The following CCDC178 variants were observed in gnomAD, a reference collection of about 807,000 sequenced individuals.
CCDC178 encodes the protein coiled-coil domain-containing protein 178.
In CCDC178, 126 loss-of-function variants were observed where a neutral mutation model predicts 117.4. That is an observed-to-expected ratio of 1.07 (90% CI 0.93 to 1.24). CCDC178 has a LOEUF of 1.24. Among genes scored for constraint, CCDC178 ranks in the 50% most tolerant of loss-of-function variants. The pLI is 0.00. For synonymous variants in CCDC178, 283 were observed against 313.4 expected (o/e 0.90, Z 1.02); for missense variants, 1,030 against 986.9 (o/e 1.04, Z -0.59).
intron 22 of CCDC178, 149 bp downstream of exon 22, chr18:32,974,398 T>A (rs2054988956): frequency 5.9e-6 from 4 of 683,318 alleles, no homozygotes; most frequent in Middle Eastern, 8.4e-4. Context: ...CTTACTGAAT[T>A]CATTCTTCAT....
intron 19 of CCDC178, among the ~76,000 whole-genome samples, chr18:33,213,634 T>G (rs1489612433): frequency 6.6e-6 from 1 of 151,720 alleles, no homozygotes; most frequent in African/African-American, 2.4e-5. Flanking sequence ...ATTGTATTAA[T>G]ATCTACACAG....
intron 9 of CCDC178, among the ~76,000 whole-genome samples, chr18:33,340,067 T>A (rs897844104): frequency 5.9e-5 from 9 of 152,098 alleles, no homozygotes; most frequent in African/African-American, 2.2e-4. Context: ...TGGAACCCCC[T>A]AGAGACTTGC....
At chr18:33,254,549 C>T (rs1003500152) in intron 14 of CCDC178, among the ~76,000 whole-genome samples, 1 of 151,872 alleles carries the variant, frequency 6.6e-6, no homozygotes, top group Admixed American at 6.6e-5. Context: ...AAACAGATTC[C>T]AGTGCAATAA....
intron 2 of CCDC178, among the ~76,000 whole-genome samples, chr18:33,430,496 G>A (rs1284281923): frequency 1.3e-5 from 2 of 152,186 alleles, no homozygotes; most frequent in Non-Finnish European, 2.9e-5. Flanking sequence ...GGAATGTAGA[G>A]TAGATCTTGA....
intron 2 of CCDC178, among the ~76,000 whole-genome samples, chr18:33,428,730 C>CAAAAAAAAAAAAAAAA (rs35234261): frequency 7.1e-5 from 3 of 42,374 alleles, no homozygotes; most frequent in African/African-American, 9.0e-5. Context: ...GACTCTGTCT[C>CAAAAAAAAAAAAAAAA]AAAAAAAAAA....
At chr18:33,041,167 T>C (rs888780741) in intron 21 of CCDC178, among the ~76,000 whole-genome samples, 2 of 151,860 alleles carry the variant, frequency 1.3e-5, no homozygotes, top group African/African-American at 4.8e-5. Flanking sequence ...ATTACCCATA[T>C]CTATATAAAC....
In CCDC178 at chr18:33,395,224, A is replaced by G. The variant is rs189031233; in HGVS notation, c.118+1925T>C. ...AAGTGATTCGTGAAATCGGATGGGG[A>G]AAAATTACTCTATTTTTAAAATATT... On this transcript the variant is annotated intron_variant, in intron 4 of 22. Transcript: ENST00000383096. 2.1e-3 allele frequency among the ~76,000 whole-genome samples: 325 copies of G among 151,656 alleles called. 3 individuals are homozygous for G. The highest frequency in any genetic ancestry group is 2.4e-3 in the Non-Finnish European group (160 of 67,808).
chr18:33,074,975 T>C (rs1177661466), intron 21 of CCDC178, among the ~76,000 whole-genome samples: 1 of 152,080 alleles, frequency 6.6e-6, no homozygotes, highest in East Asian at 1.9e-4. Flanking sequence ...GAAATTAAGA[T>C]ATGGAAGGAT....
intron 7 of CCDC178, among the ~76,000 whole-genome samples, chr18:33,353,975 T>G (rs1167056520): frequency 6.6e-6 from 1 of 152,184 alleles, no homozygotes; most frequent in African/African-American, 2.4e-5. Context: ...AGAACTGGAC[T>G]GCTAGTGATA....
intron 21 of CCDC178, among the ~76,000 whole-genome samples, chr18:33,030,648 T>C (rs1173123301): frequency 1.3e-5 from 2 of 151,532 alleles, no homozygotes; most frequent in African/African-American, 4.9e-5. Flanking sequence ...AATAGATAGA[T>C]AGATGATAGA....
intron 11 of CCDC178, among the ~76,000 whole-genome samples, chr18:33,294,283 C>T (rs1301333460): frequency 6.6e-6 from 1 of 152,036 alleles, no homozygotes; most frequent in Non-Finnish European, 1.5e-5. Flanking sequence ...ATAAAATTAC[C>T]ATTTTCATAA....
chr18:33,305,901 G>C (rs1354908166), intron 11 of CCDC178, among the ~76,000 whole-genome samples: 1 of 152,160 alleles, frequency 6.6e-6, no homozygotes, highest in African/African-American at 2.4e-5. Flanking sequence ...AGGGGAGACT[G>C]CCTGAGACAG....
At chr18:33,085,590 C>T (rs1043390704) in intron 21 of CCDC178, among the ~76,000 whole-genome samples, 1 of 151,980 alleles carries the variant, frequency 6.6e-6, no homozygotes, top group African/African-American at 2.4e-5. Context: ...AAAAATAAAA[C>T]GTATTTTTAT....
intron 3 of CCDC178, among the ~76,000 whole-genome samples, chr18:33,408,335 C>T (rs1599283625): frequency 6.6e-6 from 1 of 151,800 alleles, no homozygotes; most frequent in East Asian, 1.9e-4. Context: ...CTTCATTCAA[C>T]AGGGCACACA....
At chr18:32,982,936 A>G (rs1268923786) in intron 21 of CCDC178, among the ~76,000 whole-genome samples, 1 of 152,132 alleles carries the variant, frequency 6.6e-6, no homozygotes, top group Non-Finnish European at 1.5e-5. Context: ...TACAACACCA[A>G]GAGTGAACCC....
chr18:33,250,250 T>G (rs894299107), intron 14 of CCDC178, among the ~76,000 whole-genome samples: 9 of 151,776 alleles, frequency 5.9e-5, no homozygotes, highest in Admixed American at 5.3e-4. Flanking sequence ...AGGACAAGTG[T>G]AAAGATGTTC....
chr18:33,440,832 C>G (rs954386100), upstream of CCDC178: 1 of 153,240 alleles, frequency 6.5e-6, no homozygotes, highest in African/African-American at 2.4e-5. Context: ...CCTTAGCCCC[C>G]GACTCCCGGC....
chr18:33,244,498 G>A (rs1240312941), intron 15 of CCDC178, among the ~76,000 whole-genome samples: 2 of 151,868 alleles, frequency 1.3e-5, no homozygotes, highest in Non-Finnish European at 2.9e-5. Context: ...TCATGATAGT[G>A]AGTAAGTTCT....
chr18:32,989,560 A>G (rs1385559967), intron 21 of CCDC178, among the ~76,000 whole-genome samples: 3 of 152,204 alleles, frequency 2.0e-5, no homozygotes, highest in Admixed American at 6.5e-5. Context: ...TTAGCTTGAA[A>G]GCAGTCATAG....
Sources: gnomAD v4.1 joint callset for allele counts (sites outside exome capture counted in the v4.1 genomes callset) on GRCh38, gnomAD v4.1.1 for gene constraint, MANE v1.5 for transcripts, NCBI Gene and HGNC (gene_info 2026-07-23, HGNC 2026-07-21) for gene names.